Variants in FHIT observed in about 807,000 individuals in gnomAD.
FHIT encodes the protein bis(5'-adenosyl)-triphosphatase.
FHIT carries 19 observed loss-of-function variants against 17.9 expected under a neutral mutation model. That is an observed-to-expected ratio of 1.06 (90% confidence interval 0.74 to 1.56). The LOEUF is 1.56. Among genes scored for constraint, FHIT ranks in the 40% most tolerant of loss-of-function variants. The probability of loss-of-function intolerance (pLI) is 0.00; values close to 1 mark genes in which losing one functional copy is unlikely to be tolerated. For synonymous variants in FHIT, 81 were observed against 69.7 expected, an observed-to-expected ratio of 1.16 and a Z score of -0.81; for missense variants, 248 against 189.2, an observed-to-expected ratio of 1.31 and a Z score of -1.82.
intron 5 of FHIT, among the ~76,000 whole-genome samples, chr3:60,094,087 AT>A (rs766310647): frequency 8.1e-4 from 124 of 152,292 alleles, no homozygotes; most frequent in South Asian, 2.5e-3. Context: ...TTAAAAAAAA[AT>A]ATTGAAGATT....
At chr3:60,743,235 T>C (rs2042274827) in intron 4 of FHIT, among the ~76,000 whole-genome samples, 1 of 152,228 alleles carries the variant, frequency 6.6e-6, no homozygotes, top group Non-Finnish European at 1.5e-5. Context: ...AAGGTCATAA[T>C]GCAGATCAAA....
Position 61,216,111 on chromosome 3 carries a change from A to T in FHIT, c.-212-15446T>A, listed in dbSNP as rs2039666669. ...AGGACTTCATGTCTAAAACACCAAA[A>T]GCAATGGCAACAAAAGCCAAAATTG... On this transcript the variant is annotated intron_variant, in intron 1 of 9. Coordinates refer to ENST00000492590, the MANE Select transcript of FHIT (RefSeq NM_002012.4). 2.0e-5 allele frequency among the ~76,000 whole-genome samples: 3 copies of T among 152,182 alleles called. No individual in the cohort carries two copies. In the South Asian group the frequency reaches 6.2e-4, roughly 32 times the overall value.
At chr3:60,114,489 C>CTTTTTTTTTTTTTTTTTTTT (rs1576129465) in intron 5 of FHIT, among the ~76,000 whole-genome samples, 2 of 61,602 alleles carry the variant, frequency 3.2e-5, no homozygotes, top group African/African-American at 6.3e-5. Context: ...AAGAGAAATC[C>CTTTTTTTTTTTTTTTTTTTT]TTTTTTTTTT....
intron 3 of FHIT, among the ~76,000 whole-genome samples, chr3:60,865,248 G>C (rs1418190056): frequency 5.3e-5 from 8 of 152,136 alleles, no homozygotes; most frequent in Admixed American, 5.2e-4. Flanking sequence ...GTTGAATGTG[G>C]TAGCCACTAA....
intron 3 of FHIT, among the ~76,000 whole-genome samples, chr3:60,913,221 A>G (rs1274098853): frequency 1.3e-5 from 2 of 152,266 alleles, no homozygotes; most frequent in Admixed American, 1.3e-4. Context: ...GTTTGACTCT[A>G]TAGTGTTGAG....
chr3:60,058,136 T>G (rs1007522257), intron 5 of FHIT, among the ~76,000 whole-genome samples: 11 of 122,200 alleles, frequency 9.0e-5, no homozygotes, highest in Admixed American at 2.4e-4. Context: ...TTGTGTTTTT[T>G]TTTTTTTTTT....
At chr3:60,221,689 A>G (rs1703967476) in intron 5 of FHIT, among the ~76,000 whole-genome samples, 1 of 152,108 alleles carries the variant, frequency 6.6e-6, no homozygotes, top group Non-Finnish European at 1.5e-5. Flanking sequence ...TAGTCATTCC[A>G]GTCATTCCAC....
intron 3 of FHIT, among the ~76,000 whole-genome samples, chr3:60,859,865 G>A (rs1398509519): frequency 6.9e-6 from 1 of 145,582 alleles, no homozygotes; most frequent in Non-Finnish European, 1.5e-5. Context: ...CCAACATGGT[G>A]AAACCCTGTC....
chr3:60,635,909 A>T (rs1327518142), intron 4 of FHIT, among the ~76,000 whole-genome samples: 3 of 152,042 alleles, frequency 2.0e-5, no homozygotes, highest in African/African-American at 7.2e-5. Context: ...TAAATACATA[A>T]ATCTATTATT....
intron 5 of FHIT, among the ~76,000 whole-genome samples, chr3:60,514,182 G>A (rs1202142704): frequency 1.3e-5 from 2 of 152,184 alleles, no homozygotes; most frequent in African/African-American, 4.8e-5. Context: ...GAGGCACTGG[G>A]TGTGGAAACC....
At chr3:59,867,886 T>G (rs546733525) in intron 8 of FHIT, among the ~76,000 whole-genome samples, 2 of 151,924 alleles carry the variant, frequency 1.3e-5, no homozygotes, top group African/African-American at 4.8e-5. Context: ...TCTAATAACC[T>G]TGTTATAGTT....
At chr3:60,554,878 G>C (rs566507353) in intron 4 of FHIT, among the ~76,000 whole-genome samples, 1 of 152,260 alleles carries the variant, frequency 6.6e-6, no homozygotes, top group African/African-American at 2.4e-5. Context: ...GCTGCTCATA[G>C]GTTTTTGCTA....
At chr3:60,759,774 C>A (rs1201314037) in intron 4 of FHIT, among the ~76,000 whole-genome samples, 2 of 152,204 alleles carry the variant, frequency 1.3e-5, no homozygotes, top group Non-Finnish European at 2.9e-5. Context: ...ATGACCCAGA[C>A]AAGTGCATTC....
chr3:60,597,743 T>C (rs1478462069), intron 4 of FHIT, among the ~76,000 whole-genome samples: 2 of 152,154 alleles, frequency 1.3e-5, no homozygotes, highest in Non-Finnish European at 2.9e-5. Flanking sequence ...TAAAAGCCGA[T>C]CTTATCAACC....
intron 4 of FHIT, among the ~76,000 whole-genome samples, chr3:60,619,824 T>A (rs990992706): frequency 3.9e-5 from 6 of 152,110 alleles, no homozygotes; most frequent in Non-Finnish European, 7.4e-5. Context: ...TAAGCTAGAC[T>A]TCATTAAAAT....
chr3:60,027,127 ACACACACACACAC>A (rs1700774991), intron 5 of FHIT, among the ~76,000 whole-genome samples: 1 of 130,972 alleles, frequency 7.6e-6, no homozygotes, highest in Non-Finnish European at 1.6e-5. Context: ...ACACACACAC[ACACACACACACAC>A]ACACACACAA....
At chr3:60,256,863 C>T (rs1033929897) in intron 5 of FHIT, among the ~76,000 whole-genome samples, 1 of 152,186 alleles carries the variant, frequency 6.6e-6, no homozygotes, top group African/African-American at 2.4e-5. Flanking sequence ...ATTCAGCTCC[C>T]ATCATGTTCT....
rs139607066 is a variant in FHIT, at chr3:60,992,662, A to T, written c.-111+49385T>A. Among the ~76,000 whole-genome samples, 169 of 152,354 alleles carry T rather than the reference A, an allele frequency of 1.1e-3. 1 individual carries two copies. The highest frequency in any genetic ancestry group is 3.8e-3 in the African/African-American group (156 of 41,582). ...GTGTGTTAAACTGGGACCATGACCA[A>T]CTTCCCAAAACCCTCTCTGGTGATT... On this transcript the variant is annotated intron_variant, in intron 3 of 9. Coordinates refer to ENST00000492590, the MANE Select transcript of FHIT (RefSeq NM_002012.4).
intron 5 of FHIT, among the ~76,000 whole-genome samples, chr3:60,196,976 T>C (rs1389133656): frequency 6.6e-6 from 1 of 152,054 alleles, no homozygotes; most frequent in African/African-American, 2.4e-5. Context: ...ATAAACTCCA[T>C]CCAACATGTA....
Sources: allele counts gnomAD v4.1 joint callset (sites outside exome capture counted in the v4.1 genomes callset), GRCh38; gene constraint gnomAD v4.1.1; transcripts MANE v1.5; gene names NCBI Gene and HGNC (gene_info 2026-07-23, HGNC 2026-07-21).